MOSPD2: variants seen among roughly 807,000 people sequenced by gnomAD.
The protein encoded by MOSPD2 is motile sperm domain containing 2.
A neutral mutation model predicts 41.7 loss-of-function variants in MOSPD2; 5 were observed. The observed-to-expected ratio is 0.12, with a 90% CI of 0.06 to 0.25. The LOEUF is 0.25. MOSPD2 is among the 10% of genes least tolerant of loss of function. The pLI is 1.00. For missense variants in MOSPD2, 282 were observed against 375.2 expected (o/e 0.75, Z 2.05); for synonymous variants, 115 against 126.9 (o/e 0.91, Z 0.63).
chrX:14,921,985 A>C lies in MOSPD2; in HGVS notation c.*2176A>C, dbSNP rs1403364358. The stretch of plus-strand genomic sequence containing the variant: ...TTAATAGATTTTCCATGAAAGCATT[A>C]GTGAAATATCATTACCTTGATCTGC... On this transcript the variant is annotated 3_prime_UTR_variant, in exon 15 of 15. Transcript: ENST00000380492. 8.9e-6 allele frequency: 1 copy of C among 111,825 alleles called. No homozygotes were observed. The highest frequency in any genetic ancestry group is 1.9e-5 in the Non-Finnish European group (1 of 53,233). The allele number at this position is 111,825 out of a possible 1,213,427, so 9.2% of individuals were successfully genotyped here. A position where few individuals can be genotyped will look rare whatever the true frequency, so the allele number is the denominator to read the frequency against.
chrX:14,904,389 G>C (rs981815646), intron 7 of MOSPD2, among the ~76,000 whole-genome samples: 1 of 111,814 alleles, frequency 8.9e-6, no homozygotes, highest in African/African-American at 3.2e-5. Context: ...AAGAGACACA[G>C]AAAAAGCATT....
At chrX:14,882,743 G>T (rs1376324911) in intron 2 of MOSPD2, among the ~76,000 whole-genome samples, 1 of 110,407 alleles carries the variant, frequency 9.1e-6, no homozygotes, top group Non-Finnish European at 1.9e-5. Flanking sequence ...ATTTATTTTT[G>T]AATGTTTCTT....
chrX:14,916,183 C>A lies in MOSPD2; in HGVS notation c.1187-14C>A. 26 of 1,211,247 alleles carry A rather than the reference C, an allele frequency of 2.1e-5. No homozygotes were observed. Among genetic ancestry groups the A allele is most frequent in the Non-Finnish European group, 2.9e-5 (26 of 895,243 alleles). ...GTTCCTGTTTATATGCTGAATTACC[C>A]TTTTGGAATGCAGGTTTAACAGTCT... is the stretch of plus-strand genomic sequence containing the variant. On this transcript the variant is annotated splice_polypyrimidine_tract_variant and intron_variant, in intron 12 of 14. Transcript: ENST00000380492.
At chrX:14,886,969 T>G (rs1602025000) in intron 2 of MOSPD2, among the ~76,000 whole-genome samples, 1 of 112,176 alleles carries the variant, frequency 8.9e-6, no homozygotes, top group East Asian at 2.8e-4. Flanking sequence ...CAGAGAATAA[T>G]CTTGAAGGAA....
chrX:14,896,082 C>T (rs1035244823), intron 4 of MOSPD2, among the ~76,000 whole-genome samples: 2 of 111,164 alleles, frequency 1.8e-5, no homozygotes, highest in Admixed American at 9.6e-5. Flanking sequence ...TCCACCTGTC[C>T]CTTAAAGGTG....
intron 7 of MOSPD2, among the ~76,000 whole-genome samples, chrX:14,903,875 T>C (rs1432682515): frequency 8.9e-6 from 1 of 112,213 alleles, no homozygotes; most frequent in African/African-American, 3.2e-5. Context: ...AGGGAGATAC[T>C]GTGAATGATT....
chrX:14,889,576 T>G (rs185791297), intron 2 of MOSPD2, among the ~76,000 whole-genome samples: 18 of 107,641 alleles, frequency 1.7e-4, no homozygotes, highest in African/African-American at 6.1e-4. Flanking sequence ...TGTCGTCTTC[T>G]GCCTCTACTT....
At chrX:14,910,992 C>T (rs1462525532) in intron 8 of MOSPD2, among the ~76,000 whole-genome samples, 2 of 110,674 alleles carry the variant, frequency 1.8e-5, no homozygotes, top group Admixed American at 9.7e-5. Flanking sequence ...TTTTATCCAT[C>T]TGAAATTCTT....
chrX:14,910,931 TAC>T (rs35768433), intron 8 of MOSPD2, among the ~76,000 whole-genome samples: 1,171 of 100,535 alleles, frequency 0.012, 15 homozygotes, highest in African/African-American at 0.031. Context: ...TCTTTAAAAA[TAC>T]ACACACACAC....
chrX:14,903,454 C>T (rs999308069), intron 7 of MOSPD2, among the ~76,000 whole-genome samples: 2 of 111,785 alleles, frequency 1.8e-5, no homozygotes, highest in Non-Finnish European at 3.8e-5. Flanking sequence ...AGAACACAGG[C>T]CTTGTCTAGG....
At chrX:14,887,027 G>A (rs776630222) in intron 2 of MOSPD2, among the ~76,000 whole-genome samples, 1 of 111,992 alleles carries the variant, frequency 8.9e-6, no homozygotes, top group South Asian at 3.7e-4. Context: ...CATTTATGCA[G>A]TCCAGCTAAT....
At chrX:14,876,659 C>G (rs373534088) in intron 2 of MOSPD2, among the ~76,000 whole-genome samples, 5 of 111,673 alleles carry the variant, frequency 4.5e-5, no homozygotes, top group African/African-American at 1.6e-4. Context: ...TCTCTTGTGA[C>G]AATAATTTAT....
Position 14,895,320 on chromosome X carries a change from C to A in MOSPD2, c.248C>A (p.Ser83Tyr). The A allele has an allele frequency of 8.6e-7, 1 of 1,160,751 alleles. No individual in the cohort carries two copies. Among genetic ancestry groups the A allele is most frequent in the Admixed American group, 2.2e-5 (1 of 44,898 alleles). ...KEISVNDLNE[S>Y]SIPRWLLEIG... ...TACCACTTTTTAGACCTTAATGAAT[C>A]CTCCATTCCCAGATGGTTATTGGAA... The change falls in exon 4 of 15, where the codon TCC (serine) becomes TAC (tyrosine). Residue 83 changes from serine (S) to tyrosine (Y), a missense_variant. Physicochemically the swap from Ser to Tyr is moderately radical, Grantham distance 144 (BLOSUM62 -2). This residue lies in a region of MOSPD2 where 187 missense variants were observed against 256.6 expected (regional missense o/e 0.73). Transcript: ENST00000380492.
Position 14,895,354 on chromosome X carries a change from T to C in MOSPD2, c.282T>C (p.Val94=), listed in dbSNP as rs778227728. Residue 94 remains valine, a synonymous_variant, in exon 4 of 15, where the codon GTT becomes GTC. Transcript: ENST00000380492. ...SIPRWLLEIG[V]IYLHGYDKEG... The stretch of plus-strand genomic sequence containing the variant: ...CCAGATGGTTATTGGAAATTGGTGT[T>C]ATTTATCTCCATGGTTATGACAAAG... The C allele has an allele frequency of 2.6e-6, 3 of 1,164,477 alleles. No individual in the cohort carries two copies. The highest frequency in any genetic ancestry group is 3.5e-6 in the Non-Finnish European group (3 of 856,057).
chrX:14,919,943 G>T lies in MOSPD2; in HGVS notation c.*134G>T. On this transcript the variant is annotated 3_prime_UTR_variant, in exon 15 of 15. Transcript: ENST00000380492. ...AAAAGGAAATATGCAGCACGTGGAG[G>T]GGAACACATACATGTCTTGAAAATA... 9.4e-7 allele frequency: 1 copy of T among 1,068,209 alleles called. No homozygotes were observed. Among genetic ancestry groups the T allele is most frequent in the Non-Finnish European group, 1.2e-6 (1 of 829,256 alleles). 88.0% of individuals were successfully genotyped at this position (1,068,209 alleles called of 1,213,427 possible). A position where few individuals can be genotyped will look rare whatever the true frequency, so the allele number is the denominator to read the frequency against.
intron 2 of MOSPD2, among the ~76,000 whole-genome samples, chrX:14,882,865 C>T (rs1459600907): frequency 9.4e-6 from 1 of 106,858 alleles, no homozygotes; most frequent in Non-Finnish European, 1.9e-5. Flanking sequence ...CATATATCCT[C>T]ATTCTGAATG....
intron 9 of MOSPD2, among the ~76,000 whole-genome samples, chrX:14,911,667 C>T (rs750852845): frequency 8.9e-6 from 1 of 111,939 alleles, no homozygotes; most frequent in South Asian, 3.7e-4. Flanking sequence ...GTGGAAGGAT[C>T]GCTTGAGCAC....
At chrX:14,914,398 C>A in intron 10 of MOSPD2, 105 bp from the exon 11 acceptor site, 2 of 475,888 alleles carry the variant, frequency 4.2e-6, no homozygotes, top group Non-Finnish European at 3.5e-6. Context: ...TGTCTTTATA[C>A]AAATGAGCAT....
At chrX:14,887,943 G>A (rs1257947480) in intron 2 of MOSPD2, among the ~76,000 whole-genome samples, 1 of 110,765 alleles carries the variant, frequency 9.0e-6, no homozygotes, top group Non-Finnish European at 1.9e-5. Context: ...ATAAATAGAA[G>A]AACAATTTAC....
Sources: allele counts gnomAD v4.1 joint callset (sites outside exome capture counted in the v4.1 genomes callset), GRCh38; gene constraint gnomAD v4.1.1; regional missense constraint gnomAD v4.1.1; transcripts MANE v1.5; gene names NCBI Gene and HGNC (gene_info 2026-07-23, HGNC 2026-07-21).